The following SLC60A1 variants were observed in gnomAD, a reference collection of about 807,000 sequenced individuals.
The protein encoded by SLC60A1 is major facilitator superfamily domain containing 4.
At chr1:205,591,361 G>A in the SLC60A1 span, among the ~76,000 whole-genome samples, 1 of 151,762 alleles carries the variant, frequency 6.6e-6, no homozygotes, top group Non-Finnish European at 1.5e-5. Context: ...ACATGCCTGA[G>A]GTCCCAGCTA....
At chr1:205,571,608 G>A in the SLC60A1 span, among the ~76,000 whole-genome samples, 28 of 152,258 alleles carry the variant, frequency 1.8e-4, no homozygotes, top group East Asian at 4.8e-3. Flanking sequence ...CAGATATACA[G>A]TGGAAACAGA....
chr1:205,592,052 A>G, the SLC60A1 span: 2 of 1,554,820 alleles, frequency 1.3e-6, no homozygotes, highest in Non-Finnish European at 8.8e-7. Flanking sequence ...GGAAACGCCA[A>G]GCCAGGAGAC....
the SLC60A1 span, among the ~76,000 whole-genome samples, chr1:205,578,992 A>C: frequency 6.6e-6 from 1 of 152,054 alleles, no homozygotes; most frequent in Non-Finnish European, 1.5e-5. Flanking sequence ...ACTCCATCCA[A>C]TCATTCATTC....
At chr1:205,575,326 A>G in the SLC60A1 span, among the ~76,000 whole-genome samples, 27 of 152,138 alleles carry the variant, frequency 1.8e-4, no homozygotes, top group Admixed American at 3.9e-4. Flanking sequence ...TGTCCTAAGC[A>G]TCCCTGCTGG....
the SLC60A1 span, chr1:205,569,415 C>T: frequency 1.5e-4 from 95 of 646,826 alleles, no homozygotes; most frequent in African/African-American, 1.7e-3. Flanking sequence ...TGGGGCTGCC[C>T]GTCGCCCCCG....
the SLC60A1 span, chr1:205,600,326 G>A: frequency 7.7e-6 from 11 of 1,433,036 alleles, no homozygotes; most frequent in East Asian, 2.6e-4. Flanking sequence ...AAACAGCCTG[G>A]GTAAGCTCTC....
the SLC60A1 span, among the ~76,000 whole-genome samples, chr1:205,579,109 C>T: frequency 6.6e-6 from 1 of 152,204 alleles, no homozygotes; most frequent in African/African-American, 2.4e-5. Flanking sequence ...ATGGCCACAG[C>T]CCCTCCTTTC....
the SLC60A1 span, chr1:205,598,209 ACTCCCTACCCCACCT>A: frequency 5.1e-6 from 1 of 195,344 alleles, no homozygotes; most frequent in South Asian, 8.7e-5. Context: ...GGAACCCACC[ACTCCCTACCCCACCT>A]CTCACAGCCT....
the SLC60A1 span, chr1:205,597,693 CTG>C: frequency 2.8e-6 from 4 of 1,425,028 alleles, no homozygotes; most frequent in Admixed American, 1.7e-5. Flanking sequence ...GCATATGCCA[CTG>C]TGCCTGGCCA....
chr1:205,597,540 C>G, the SLC60A1 span: 929 of 377,702 alleles, frequency 2.5e-3, 4 homozygotes, highest in Middle Eastern at 9.1e-3. Context: ...AGGTGCACAC[C>G]ACCATGCCCA....
the SLC60A1 span, chr1:205,597,978 G>C: frequency 1.1e-6 from 1 of 944,210 alleles, no homozygotes; most frequent in Non-Finnish European, 1.7e-6. Flanking sequence ...AGCCAGCAGG[G>C]CCCCCTGTGC....
chr1:205,570,566 A>C, the SLC60A1 span, among the ~76,000 whole-genome samples: 1 of 152,216 alleles, frequency 6.6e-6, no homozygotes, highest in African/African-American at 2.4e-5. Flanking sequence ...AAGCCTTAAA[A>C]ACATGACCAA....
the SLC60A1 span, chr1:205,585,019 A>T: frequency 6.3e-7 from 1 of 1,581,946 alleles, no homozygotes; most frequent in Non-Finnish European, 8.7e-7. This position sits in a 1 kb window ranked among gnomAD's most constrained non-coding sequence, Gnocchi z 4.2. Flanking sequence ...GGCGCCCCCT[A>T]CTGGGGGACC....
chr1:205,569,664 C>T, the SLC60A1 span, among the ~76,000 whole-genome samples: 19 of 152,070 alleles, frequency 1.2e-4, no homozygotes, highest in Admixed American at 1.2e-3. Context: ...GGGGAGGGTG[C>T]CCCTCTTACA....
At chr1:205,579,560 T>C in the SLC60A1 span, 1 of 631,364 alleles carries the variant, frequency 1.6e-6, no homozygotes, top group East Asian at 2.7e-5. Flanking sequence ...CCTTGTGAGG[T>C]AGATTGTTAT....
the SLC60A1 span, among the ~76,000 whole-genome samples, chr1:205,582,117 A>C: frequency 3.6e-4 from 55 of 151,968 alleles, no homozygotes; most frequent in Non-Finnish European, 7.2e-4. Context: ...TTTTCAGCCC[A>C]TGCCCATCCA....
chr1:205,600,591 G>A, the SLC60A1 span: 1 of 845,982 alleles, frequency 1.2e-6, no homozygotes, highest in Non-Finnish European at 1.9e-6. Flanking sequence ...ACTAAAACTT[G>A]GTTGGGTAGA....
At chr1:205,586,001 AG>A in the SLC60A1 span, 65 of 1,545,144 alleles carry the variant, frequency 4.2e-5, no homozygotes, top group Non-Finnish European at 4.6e-5. Context: ...GCTGGGCTGC[AG>A]GTGTGCTCAA....
the SLC60A1 span, chr1:205,597,594 T>C: frequency 1.1e-5 from 6 of 540,988 alleles, no homozygotes; most frequent in Non-Finnish European, 2.0e-5. Flanking sequence ...CCAAGTCTTG[T>C]GATATTGCCC....
Sources: gnomAD v4.1 joint callset for allele counts (sites outside exome capture counted in the v4.1 genomes callset) on GRCh38, gnomAD v4.1.1 for gene constraint, Gnocchi (gnomAD v3.1) non-coding constraint, MANE v1.5 for transcripts, NCBI Gene and HGNC (gene_info 2026-07-23, HGNC 2026-07-21) for gene names.